Variants in PIK3C3 observed in about 807,000 individuals in gnomAD.
PIK3C3 encodes PI3-kinase type 3.
Under a neutral mutation model 126.1 loss-of-function variants are expected in PIK3C3, and 95 were observed. That is an observed-to-expected ratio of 0.75 (90% CI 0.64 to 0.89). The LOEUF is 0.89. PIK3C3 is among the 40% of genes least tolerant of loss of function. The pLI, the probability that PIK3C3 is intolerant of heterozygous loss-of-function variation, is 0.00. For synonymous variants in PIK3C3, 374 were observed against 360.0 expected, an observed-to-expected ratio of 1.04 and a Z score of -0.44; for missense variants, 829 against 1,063.2, an observed-to-expected ratio of 0.78 and a Z score of 3.06.
rs546306524 is a variant in PIK3C3 at position 42,024,801 on chromosome 18, T to TC, written c.1485-2641dup. Among the ~76,000 whole-genome samples, 127 of 149,890 alleles carry TC rather than the reference T, an allele frequency of 8.5e-4. 1 individual carries two copies. Among genetic ancestry groups the TC allele is most frequent in the Admixed American group, 1.4e-3 (21 of 15,164 alleles). ...ATTATGAGCATCAACATATTTTTTT[T>TC]CTTTTTTTTTTCTTTTTTTTGAGAT... is the stretch of plus-strand genomic sequence containing the variant. On this transcript the variant is annotated intron_variant, in intron 13 of 24. Coordinates refer to ENST00000262039, the MANE Select transcript of PIK3C3 (RefSeq NM_002647.4).
chr18:42,047,291 A>C (rs934224233), intron 20 of PIK3C3, among the ~76,000 whole-genome samples: 1 of 152,204 alleles, frequency 6.6e-6, no homozygotes, highest in African/African-American at 2.4e-5. Flanking sequence ...GCTTGTCTTC[A>C]TATGCACATT....
At chr18:41,963,184 A>G (rs1980184773) in intron 3 of PIK3C3, among the ~76,000 whole-genome samples, 1 of 152,160 alleles carries the variant, frequency 6.6e-6, no homozygotes, top group South Asian at 2.1e-4. Flanking sequence ...AATTTGTGAC[A>G]TTCTGTTATT....
intron 4 of PIK3C3, among the ~76,000 whole-genome samples, chr18:41,981,937 T>A (rs572233700): frequency 6.6e-6 from 1 of 151,652 alleles, no homozygotes; most frequent in African/African-American, 2.4e-5. Context: ...TGAGCCGAGA[T>A]CACGCCACTG....
chr18:41,966,503 AACTTACTTTTTTT>A (rs1231920774), intron 3 of PIK3C3, among the ~76,000 whole-genome samples: 1 of 152,026 alleles, frequency 6.6e-6, no homozygotes, highest in African/African-American at 2.4e-5. Flanking sequence ...TATTTACCCC[AACTTACTTTTTTT>A]AAACTTCCAC....
intron 2 of PIK3C3, among the ~76,000 whole-genome samples, chr18:41,959,822 A>G (rs1979987935): frequency 1.3e-5 from 2 of 152,180 alleles, no homozygotes; most frequent in Admixed American, 6.5e-5. Flanking sequence ...TTAGGAGACT[A>G]AGAGAAAACA....
intron 15 of PIK3C3, among the ~76,000 whole-genome samples, chr18:42,030,156 G>T (rs1297197013): frequency 6.6e-6 from 1 of 152,154 alleles, no homozygotes; most frequent in African/African-American, 2.4e-5. Flanking sequence ...AGAATCTCTA[G>T]AGATCATTTA....
At chr18:42,040,639 G>T in intron 18 of PIK3C3, 38 bp from the exon 19 acceptor site, 1 of 1,372,790 alleles carries the variant, frequency 7.3e-7, no homozygotes, top group Non-Finnish European at 1.0e-6. Context: ...TTCTTAACCA[G>T]TAGCTATGCT....
At chr18:42,005,356 T>C (rs1982493782) in intron 10 of PIK3C3, among the ~76,000 whole-genome samples, 2 of 152,098 alleles carry the variant, frequency 1.3e-5, no homozygotes, top group African/African-American at 4.8e-5. Flanking sequence ...AAAAACAGAG[T>C]ATTATAATCT....
intron 9 of PIK3C3, among the ~76,000 whole-genome samples, chr18:42,002,165 A>T (rs1982321415): frequency 6.6e-6 from 1 of 152,218 alleles, no homozygotes; most frequent in South Asian, 2.1e-4. Context: ...AACTTCCTGT[A>T]AAACTTTCAA....
intron 2 of PIK3C3, among the ~76,000 whole-genome samples, chr18:41,960,413 A>G (rs985099096): frequency 1.3e-5 from 2 of 152,182 alleles, no homozygotes; most frequent in Non-Finnish European, 1.5e-5. Flanking sequence ...ATATAATACA[A>G]TCTAATTCAA....
At chr18:42,078,141 G>A (rs978910985) in intron 24 of PIK3C3, among the ~76,000 whole-genome samples, 5 of 151,990 alleles carry the variant, frequency 3.3e-5, no homozygotes, top group African/African-American at 9.7e-5. Flanking sequence ...ACTTTGGGAG[G>A]CCGAGGCGGG....
At chr18:42,033,181 C>T (rs1400032200) in intron 15 of PIK3C3, among the ~76,000 whole-genome samples, 1 of 152,098 alleles carries the variant, frequency 6.6e-6, no homozygotes. Context: ...AGGGGTTCTT[C>T]TAAATAGTAT....
At chr18:42,066,696 T>TAG (rs1985554893) in intron 23 of PIK3C3, among the ~76,000 whole-genome samples, 1 of 152,102 alleles carries the variant, frequency 6.6e-6, no homozygotes, top group Non-Finnish European at 1.5e-5. Flanking sequence ...CATTGACTTT[T>TAG]ATATATATAT....
At chr18:42,054,968 A>G (rs1734828475) in intron 21 of PIK3C3, among the ~76,000 whole-genome samples, 1 of 151,978 alleles carries the variant, frequency 6.6e-6, no homozygotes, top group Non-Finnish European at 1.5e-5. Flanking sequence ...ATTTGGACTC[A>G]TACTATTAGA....
intron 10 of PIK3C3, among the ~76,000 whole-genome samples, chr18:42,013,113 C>CT (rs67564071): frequency 0.083 from 11,288 of 136,736 alleles, 895 homozygotes; most frequent in East Asian, 0.25. Context: ...ATCCTTCCCA[C>CT]TTTTTTTTTT....
intron 20 of PIK3C3, among the ~76,000 whole-genome samples, chr18:42,048,708 AT>A (rs1446786981): frequency 6.6e-6 from 1 of 152,206 alleles, no homozygotes; most frequent in African/African-American, 2.4e-5. Context: ...AATGAACTTT[AT>A]TATTTATTGA....
At chr18:41,994,764 T>C (rs1366730088) in intron 7 of PIK3C3, among the ~76,000 whole-genome samples, 1 of 152,066 alleles carries the variant, frequency 6.6e-6, no homozygotes, top group East Asian at 1.9e-4. Flanking sequence ...AGGCCAAACA[T>C]GGTGGCTCAT....
chr18:42,084,004 A>G lies in PIK3C3; in HGVS notation c.*2867A>G, dbSNP rs2031020425. On this transcript the variant is annotated 3_prime_UTR_variant, in exon 25 of 25. Transcript: ENST00000262039. ...ATTTTTGGTCATGTTTTATTTTTCC[A>G]TTGCTTTTAACAGGATTACCAAAGG... 1 of 152,020 alleles carries G rather than the reference A, an allele frequency of 6.6e-6. No homozygotes were observed. The highest frequency in any genetic ancestry group is 1.5e-5 in the Non-Finnish European group (1 of 68,006). 9.4% of individuals were successfully genotyped at this position (152,020 alleles called of 1,614,324 possible).
chr18:42,044,371 AT>A (rs34725564), intron 20 of PIK3C3, among the ~76,000 whole-genome samples: 15 of 149,616 alleles, frequency 1.0e-4, no homozygotes, highest in African/African-American at 2.2e-4. Context: ...ATTCTACAGG[AT>A]TTTTTTTTTC....
Sources: gnomAD v4.1 joint callset for allele counts (sites outside exome capture counted in the v4.1 genomes callset) on GRCh38, gnomAD v4.1.1 for gene constraint, MANE v1.5 for transcripts, NCBI Gene and HGNC (gene_info 2026-07-23, HGNC 2026-07-21) for gene names.